Variants in RP1L1 observed in about 807,000 individuals in gnomAD.
RP1L1 encodes RP1 like 1.
Under a neutral mutation model 15.7 loss-of-function variants are expected in RP1L1, and 27 were observed. The ratio of observed to expected loss-of-function variants is 1.72; its 90% CI spans 1.27 to 2.38. RP1L1 has a LOEUF of 2.38. Among genes scored for constraint, RP1L1 ranks in the 30% most tolerant of loss-of-function variants. The pLI, the probability that RP1L1 is intolerant of heterozygous loss-of-function variation, is 0.00. For synonymous variants in RP1L1, 1,813 were observed against 1,276.7 expected, an observed-to-expected ratio of 1.42 and a Z score of -8.96; for missense variants, 4,798 against 3,075.9, an observed-to-expected ratio of 1.56 and a Z score of -13.24.
chr8:10,612,382 G>A lies in RP1L1; in HGVS notation c.1716C>T (p.Gly572=), dbSNP rs746772881. The change falls in exon 4 of 4, where the codon GGC becomes GGT. Residue 572 remains glycine, a synonymous_variant. Coordinates refer to ENST00000382483, the MANE Select transcript of RP1L1 (RefSeq NM_178857.6). ...ETSQQEASEG[G]DPASPALSLS... is the part of the protein sequence containing the mutation. ...GACTCAGGGCTGGAGAAGCGGGGTC[G>A]CCTCCCTCGCTGGCCTCCTGCTGAG... The A allele has an allele frequency of 3.2e-5, 52 of 1,612,606 alleles. No individual in the cohort carries two copies. Among genetic ancestry groups the A allele is most frequent in the East Asian group, 2.5e-4 (11 of 44,886 alleles).
At chr8:10,645,396 A>G (rs1798462246) in intron 1 of RP1L1, among the ~76,000 whole-genome samples, 1 of 152,174 alleles carries the variant, frequency 6.6e-6, no homozygotes, top group South Asian at 2.1e-4. Flanking sequence ...AGGGACACAT[A>G]AGGAAAAGGT....
Position 10,612,383 on chromosome 8 carries a change from C to T in RP1L1, c.1715G>A (p.Gly572Asp). 7 of 1,612,890 alleles carry T rather than the reference C, an allele frequency of 4.3e-6. No homozygotes were observed. Among genetic ancestry groups the T allele is most frequent in the Non-Finnish European group, 5.9e-6 (7 of 1,180,030 alleles). ...ETSQQEASEG[G>D]DPASPALSLS... is the part of the protein sequence containing the mutation. The stretch of plus-strand genomic sequence containing the variant: ...ACTCAGGGCTGGAGAAGCGGGGTCG[C>T]CTCCCTCGCTGGCCTCCTGCTGAGA... Residue 572 changes from glycine (G) to aspartate (D), a missense_variant, in exon 4 of 4, where the codon GGC (glycine) becomes GAC (aspartate). Gly to Asp is a moderately conservative substitution (Grantham distance 94). Coordinates refer to ENST00000382483, the MANE Select transcript of RP1L1 (RefSeq NM_178857.6).
chr8:10,613,598 TCCAAAAAAAAAA>T (rs1158770164), intron 3 of RP1L1, among the ~76,000 whole-genome samples: 14 of 38,728 alleles, frequency 3.6e-4, no homozygotes, highest in Admixed American at 1.9e-3. Context: ...ACACCATCTC[TCCAAAAAAAAAA>T]AAAAAAAAAA....
intron 1 of RP1L1, among the ~76,000 whole-genome samples, chr8:10,654,448 A>G (rs919652735): frequency 2.0e-5 from 3 of 151,910 alleles, no homozygotes; most frequent in African/African-American, 7.3e-5. Context: ...TAAGAAGCAA[A>G]TTGGACACCT....
chr8:10,652,091 T>A (rs1032598404), intron 1 of RP1L1, among the ~76,000 whole-genome samples: 6 of 152,212 alleles, frequency 3.9e-5, no homozygotes, highest in Non-Finnish European at 7.3e-5. Context: ...GACCTGAGTG[T>A]GTAGTAGACA....
chr8:10,627,594 A>C (rs896303106), intron 1 of RP1L1, among the ~76,000 whole-genome samples: 8 of 152,014 alleles, frequency 5.3e-5, no homozygotes, highest in African/African-American at 1.9e-4. Context: ...TACACTTACA[A>C]ACAGTTTAGA....
intron 1 of RP1L1, among the ~76,000 whole-genome samples, chr8:10,651,389 T>A (rs116633676): frequency 0.011 from 1,731 of 152,330 alleles, 29 homozygotes; most frequent in African/African-American, 0.04. Flanking sequence ...GACCAAGTGC[T>A]CTTTCTAGTA....
chr8:10,631,182 A>G (rs1005167728), intron 1 of RP1L1, among the ~76,000 whole-genome samples: 7 of 150,722 alleles, frequency 4.6e-5, no homozygotes, highest in African/African-American at 1.7e-4. Flanking sequence ...GAATGTTGTC[A>G]TGGCAACAGC....
rs201244904 is a variant in RP1L1, at chr8:10,608,959, G to A, written c.5139C>T (p.Thr1713=). Residue 1713 remains threonine (T), a synonymous_variant, in exon 4 of 4, where the codon ACC becomes ACT. Transcript: ENST00000382483. The stretch of plus-strand genomic sequence containing the variant: ...TCCTAGTGCTCGTGGGGTCCGTGTG[G>A]GTCTTGCCAGGGGCCACCTCTGCTG... ...GEAAEVAPGK[T]HTDPTSTRTV... is the part of the protein sequence containing the mutation. 140 of 1,613,698 alleles carry A rather than the reference G, an allele frequency of 8.7e-5. 1 individual carries two copies. In the African/African-American group the frequency reaches 1.6e-3, roughly 18 times the overall value.
chr8:10,642,206 C>G (rs996625395), intron 1 of RP1L1, among the ~76,000 whole-genome samples: 2 of 151,986 alleles, frequency 1.3e-5, no homozygotes, highest in African/African-American at 4.8e-5. Context: ...TTTAAAAAGT[C>G]CAAAGAGTGA....
rs144362665 is a variant in RP1L1, at chr8:10,651,665, G to C, written c.-20+3233C>G. ...CCTTGAACTCAGGAGGCTGAGGCAG[G>C]AGAATCCCTTGAACTCAGGAGGCGG... On this transcript the variant is annotated intron_variant, in intron 1 of 3. Transcript: ENST00000382483. Among the ~76,000 whole-genome samples the C allele has an allele frequency of 1.2e-3, 184 of 151,522 alleles. 1 individual carries two copies. The highest frequency in any genetic ancestry group is 4.3e-3 in the African/African-American group (179 of 41,238).
chr8:10,612,073 G>C lies in RP1L1; in HGVS notation c.2025C>G (p.His675Gln). 1 of 1,613,892 alleles carries C rather than the reference G, an allele frequency of 6.2e-7. No individual in the cohort carries two copies. The highest frequency in any genetic ancestry group is 1.1e-5 in the South Asian group (1 of 91,086). The change falls in exon 4 of 4, where the codon CAC (histidine) becomes CAG (glutamine). Residue 675 changes from histidine to glutamine, a missense_variant. Physicochemically the swap from His to Gln is conservative, Grantham distance 24 (BLOSUM62 0). Transcript: ENST00000382483. Reference sequence around the variant, plus strand: ...TGGTTACAGAGGAGTCCAGTGGGCTGTGGGTGTCCTTGCGGTAGTGAGAAT... The same window carrying C: ...TGGTTACAGAGGAGTCCAGTGGGCTCTGGGTGTCCTTGCGGTAGTGAGAAT... ...PRHSHYRKDT[H>Q]SPLDSSVTKQ...
intron 1 of RP1L1, among the ~76,000 whole-genome samples, chr8:10,635,395 C>T (rs988463469): frequency 6.6e-6 from 1 of 152,246 alleles, no homozygotes; most frequent in Non-Finnish European, 1.5e-5. Flanking sequence ...TCCCAGCGCA[C>T]GCCAGAGATC....
Position 10,609,115 on chromosome 8 carries a change from G to A in RP1L1, c.4983C>T (p.Ala1661=). ...TAGGGCTCACTTTCTTCCTCACGCA[G>A]GCCTCGCAGGGACAGAACTCCTCCC... ...AEGEEFCPCE[A]CVRKKVSPMS... is the part of the protein sequence containing the mutation. The change falls in exon 4 of 4, where the codon GCC becomes GCT. Residue 1661 remains alanine (A), a synonymous_variant. Coordinates refer to ENST00000382483, the MANE Select transcript of RP1L1 (RefSeq NM_178857.6). 6.2e-7 allele frequency: 1 copy of A among 1,613,512 alleles called. No individual in the cohort carries two copies. Among genetic ancestry groups the A allele is most frequent in the Non-Finnish European group, 8.5e-7 (1 of 1,179,588 alleles).
intron 1 of RP1L1, among the ~76,000 whole-genome samples, chr8:10,627,274 T>C (rs868471920): frequency 8.5e-5 from 13 of 152,152 alleles, no homozygotes; most frequent in South Asian, 8.3e-4. Context: ...AAATGCGATA[T>C]AGACAAACAA....
chr8:10,652,886 A>C (rs1474250406), intron 1 of RP1L1, among the ~76,000 whole-genome samples: 3 of 152,112 alleles, frequency 2.0e-5, no homozygotes, highest in Non-Finnish European at 4.4e-5. Context: ...GTGCCTAGCT[A>C]ATGTTACCTA....
chr8:10,635,756 T>C (rs1041206739), intron 1 of RP1L1, among the ~76,000 whole-genome samples: 7 of 152,254 alleles, frequency 4.6e-5, no homozygotes, highest in African/African-American at 1.7e-4. Context: ...GGGAGACTTT[T>C]GTACCATTCT....
rs1183675493 is a variant in RP1L1, at chr8:10,610,305, G to A, written c.3793C>T (p.Arg1265Ter). 8.1e-6 allele frequency: 13 copies of A among 1,614,176 alleles called. No homozygotes were observed. The highest frequency in any genetic ancestry group is 5.0e-5 in the Admixed American group (3 of 60,030). The change falls in exon 4 of 4, where the codon CGA becomes TGA. Residue 1265 changes from arginine to a stop codon, truncating the protein, a stop_gained. Transcript: ENST00000382483. LOFTEE classifies it low-confidence loss of function (END_TRUNC). ...QCCFPTFLNA[R>*]ACACATNEDE... Reference sequence around the variant, plus strand: ...TCATTGGTGGCACAAGCGCAGGCTCGGGCGTTCAAGAAGGTTGGGAAACAA... The same window carrying A: ...TCATTGGTGGCACAAGCGCAGGCTCAGGCGTTCAAGAAGGTTGGGAAACAA...
At position 10,611,611 on chromosome 8, in the gene RP1L1, A is replaced by G. The variant is rs1447132718; in HGVS notation, c.2487T>C (p.Pro829=). Residue 829 remains proline (P), a synonymous_variant, in exon 4 of 4, where the codon CCT becomes CCC. Coordinates refer to ENST00000382483, the MANE Select transcript of RP1L1 (RefSeq NM_178857.6). ...GGGCCTCTTGGGCCGGCTGCGTCCC[A>G]GGCTGTGAGCAGCAGTGGCTTCGGT... is the stretch of plus-strand genomic sequence containing the variant. ...GPHRSHCCSQ[P]GTQPAQEAQR... 6 of 1,612,694 alleles carry G rather than the reference A, an allele frequency of 3.7e-6. No homozygotes were observed. The highest frequency in any genetic ancestry group is 5.1e-6 in the Non-Finnish European group (6 of 1,179,744).
Sources: allele counts gnomAD v4.1 joint callset (sites outside exome capture counted in the v4.1 genomes callset), GRCh38; gene constraint gnomAD v4.1.1; transcripts MANE v1.5; gene names NCBI Gene and HGNC (gene_info 2026-07-23, HGNC 2026-07-21).